The following STXBP5L variants were observed in gnomAD, a reference collection of about 807,000 sequenced individuals.
The protein encoded by STXBP5L is syntaxin-binding protein 5-like.
Under a neutral mutation model 144.5 loss-of-function variants are expected in STXBP5L, and 65 were observed. The observed-to-expected ratio is 0.45, with a 90% confidence interval of 0.37 to 0.55. The LOEUF (loss-of-function observed/expected upper bound fraction) is 0.55. Ranked by LOEUF, STXBP5L falls within the 20% of genes least tolerant of loss-of-function variation. STXBP5L has a pLI of 0.00. For synonymous variants in STXBP5L, 505 were observed against 469.6 expected, an observed-to-expected ratio of 1.08 and a Z score of -0.97; for missense variants, 1,298 against 1,405.5, an observed-to-expected ratio of 0.92 and a Z score of 1.22.
chr3:120,984,894 A>G (rs1016904145), intron 3 of STXBP5L, among the ~76,000 whole-genome samples: 6 of 151,856 alleles, frequency 4.0e-5, no homozygotes, highest in African/African-American at 1.5e-4. Context: ...ATTTTGTCAA[A>G]TGCTTTTTCT....
intron 9 of STXBP5L, chr3:121,158,306 T>C (rs1239256286): frequency 6.6e-6 from 1 of 152,188 alleles, no homozygotes; most frequent in Non-Finnish European, 1.5e-5. Flanking sequence ...ATATCATTGA[T>C]TATTTGTAAT....
At chr3:121,234,343 C>T (rs2049402355) in intron 12 of STXBP5L, among the ~76,000 whole-genome samples, 1 of 152,102 alleles carries the variant, frequency 6.6e-6, no homozygotes, top group South Asian at 2.1e-4. Flanking sequence ...CCTGGAATGA[C>T]TTTCTCTTCA....
chr3:121,280,168 G>C (rs1379434976), intron 19 of STXBP5L, among the ~76,000 whole-genome samples: 8 of 151,724 alleles, frequency 5.3e-5, no homozygotes, highest in Non-Finnish European at 1.2e-4. Context: ...ACTTCAATTT[G>C]CTATTGAAGT....
At chr3:121,023,065 A>G (rs112725492) in intron 3 of STXBP5L, among the ~76,000 whole-genome samples, 2,513 of 152,276 alleles carry the variant, frequency 0.017, 64 homozygotes, top group African/African-American at 0.057. Flanking sequence ...CAAGATACAA[A>G]AATAATGCAC....
chr3:120,993,096 T>G (rs770405957), intron 3 of STXBP5L, among the ~76,000 whole-genome samples: 15 of 152,156 alleles, frequency 9.9e-5, no homozygotes, highest in East Asian at 1.9e-4. Flanking sequence ...TTTGTATGTC[T>G]TCTTTTGAGA....
chr3:121,326,397 T>A (rs955402088), intron 20 of STXBP5L, among the ~76,000 whole-genome samples: 1 of 152,094 alleles, frequency 6.6e-6, no homozygotes, highest in Non-Finnish European at 1.5e-5. Flanking sequence ...TGTTTTTGTC[T>A]TATCTTAGTT....
At chr3:121,331,978 GA>G (rs140540723) in intron 20 of STXBP5L, among the ~76,000 whole-genome samples, 15,101 of 150,798 alleles carry the variant, frequency 0.1, 942 homozygotes, top group Non-Finnish European at 0.14. Context: ...CTATAACCAA[GA>G]AACTCATACA....
At chr3:121,083,215 A>G (rs992906537) in intron 5 of STXBP5L, among the ~76,000 whole-genome samples, 3 of 152,064 alleles carry the variant, frequency 2.0e-5, no homozygotes, top group African/African-American at 7.3e-5. Context: ...CAACCAAAAA[A>G]ACAAAAAAAA....
At chr3:121,136,641 A>C (rs140557827) in intron 7 of STXBP5L, among the ~76,000 whole-genome samples, 1 of 152,248 alleles carries the variant, frequency 6.6e-6, no homozygotes, top group Non-Finnish European at 1.5e-5. Flanking sequence ...AATGTAAATT[A>C]GTTAAGCCAT....
chr3:120,969,110 C>T (rs1331249684), intron 3 of STXBP5L, among the ~76,000 whole-genome samples: 1 of 151,934 alleles, frequency 6.6e-6, no homozygotes, highest in South Asian at 2.1e-4. Flanking sequence ...CTTTAAGGAA[C>T]GTCTATACTG....
intron 2 of STXBP5L, among the ~76,000 whole-genome samples, chr3:120,912,114 A>G (rs1466401833): frequency 6.6e-6 from 1 of 152,004 alleles, no homozygotes; most frequent in Non-Finnish European, 1.5e-5. Context: ...TCTGAAATTT[A>G]TGACCTTTTC....
chr3:121,206,847 C>T (rs750750598), intron 10 of STXBP5L, among the ~76,000 whole-genome samples: 1 of 152,074 alleles, frequency 6.6e-6, no homozygotes, highest in Non-Finnish European at 1.5e-5. Context: ...TCCTATAAAT[C>T]AACAAGTTCC....
chr3:121,309,122 CA>C (rs2043437792), intron 19 of STXBP5L, among the ~76,000 whole-genome samples: 1 of 151,400 alleles, frequency 6.6e-6, no homozygotes, highest in African/African-American at 2.4e-5. Context: ...CAGAGAAAAC[CA>C]AAAGGAAAAT....
chr3:121,041,804 T>C, intron 4 of STXBP5L, 23 bp downstream of exon 4: 12 of 1,522,812 alleles, frequency 7.9e-6, no homozygotes, highest in Non-Finnish European at 1.1e-5. Flanking sequence ...TTTTGACTAC[T>C]TAAATCACAC....
intron 9 of STXBP5L, among the ~76,000 whole-genome samples, chr3:121,165,182 C>T (rs1049961203): frequency 1.3e-5 from 2 of 152,002 alleles, no homozygotes; most frequent in East Asian, 1.9e-4. Flanking sequence ...TGAAGTGTTT[C>T]GGCTGTAGGT....
intron 10 of STXBP5L, among the ~76,000 whole-genome samples, chr3:121,209,947 C>A (rs1187445940): frequency 6.6e-6 from 1 of 152,084 alleles, no homozygotes; most frequent in Non-Finnish European, 1.5e-5. Flanking sequence ...GGGTATATAC[C>A]CAATAATGGG....
At chr3:121,049,210 A>G (rs1412897504) in intron 5 of STXBP5L, among the ~76,000 whole-genome samples, 2 of 152,052 alleles carry the variant, frequency 1.3e-5, no homozygotes, top group Non-Finnish European at 2.9e-5. Context: ...GGTTCATGGT[A>G]GTCCCTAATC....
At chr3:121,206,766 A>T (rs2048351268) in intron 10 of STXBP5L, among the ~76,000 whole-genome samples, 2 of 152,284 alleles carry the variant, frequency 1.3e-5, no homozygotes, top group South Asian at 4.1e-4. Flanking sequence ...GTGAGCCAAG[A>T]TGCTGCCACT....
At chr3:121,067,595 T>C (rs114411414) in intron 5 of STXBP5L, among the ~76,000 whole-genome samples, 1 of 152,174 alleles carries the variant, frequency 6.6e-6, no homozygotes, top group Non-Finnish European at 1.5e-5. Flanking sequence ...TGTTACTAGG[T>C]TCAATGTACT....
Sources: allele counts gnomAD v4.1 joint callset (sites outside exome capture counted in the v4.1 genomes callset), GRCh38; gene constraint gnomAD v4.1.1; transcripts MANE v1.5; gene names NCBI Gene and HGNC (gene_info 2026-07-23, HGNC 2026-07-21).